WDR48: variants seen among roughly 807,000 people sequenced by gnomAD.
The protein encoded by WDR48 is WD repeat domain 48, also known as WD repeat-containing protein 48.
In WDR48, 22 loss-of-function variants were observed where a neutral mutation model predicts 94.0. That is an observed-to-expected ratio of 0.23 (90% CI 0.17 to 0.33). WDR48 has a LOEUF of 0.33. WDR48 is among the 10% of genes least tolerant of loss of function. The probability of loss-of-function intolerance (pLI) is 1.00; values close to 1 mark genes in which losing one functional copy is unlikely to be tolerated. For missense variants in WDR48, 541 were observed against 813.8 expected (o/e 0.66, Z 4.08); for synonymous variants, 278 against 280.5 (o/e 0.99, Z 0.09).
chr3:39,092,341 G>A (rs1200530479), intron 17 of WDR48, among the ~76,000 whole-genome samples: 4 of 152,170 alleles, frequency 2.6e-5, no homozygotes, highest in African/African-American at 4.8e-5. Context: ...CTTGAAGGAC[G>A]TGGAATTTGA....
chr3:39,060,428 A>G (rs1466477398), intron 1 of WDR48, among the ~76,000 whole-genome samples: 1 of 148,752 alleles, frequency 6.7e-6, no homozygotes, highest in South Asian at 2.1e-4. Flanking sequence ...GCATATATAT[A>G]TATATATATG....
At chr3:39,066,080 C>A (rs1441477262) in intron 3 of WDR48, among the ~76,000 whole-genome samples, 191 bp downstream of exon 3, 1 of 152,166 alleles carries the variant, frequency 6.6e-6, no homozygotes, top group African/African-American at 2.4e-5. Flanking sequence ...CCTTTGCCAC[C>A]CTTTCAGTTA....
chr3:39,055,120 C>T (rs2032783056), intron 1 of WDR48, among the ~76,000 whole-genome samples: 1 of 152,174 alleles, frequency 6.6e-6, no homozygotes, highest in Admixed American at 6.5e-5. Flanking sequence ...TCTCAGACCA[C>T]GAGACAGTAG....
chr3:39,084,954 G>T (rs571950143), intron 13 of WDR48, among the ~76,000 whole-genome samples: 2 of 152,122 alleles, frequency 1.3e-5, no homozygotes, highest in Non-Finnish European at 2.9e-5. Flanking sequence ...TCGGCCAGGC[G>T]CAGTGGCTCA....
At chr3:39,075,242 A>G (rs923754885) in intron 8 of WDR48, among the ~76,000 whole-genome samples, 6 of 147,604 alleles carry the variant, frequency 4.1e-5, no homozygotes, top group African/African-American at 1.5e-4. Context: ...TATAGAAGAA[A>G]GTGTGACTTC....
In WDR48 at chr3:39,066,739, A is replaced by T; in HGVS notation, c.352-7A>T. 1.2e-6 allele frequency: 2 copies of T among 1,613,988 alleles called. No individual in the cohort carries two copies. The highest frequency in any genetic ancestry group is 4.5e-5 in the East Asian group (2 of 44,844). ...GAATAGATCATAGTATGTCTGTTCT[A>T]TTACAGGATTACGTAAAGGCCTTAG... On this transcript the variant is annotated splice_region_variant and splice_polypyrimidine_tract_variant and intron_variant, in intron 4 of 18. Transcript: ENST00000302313.
intron 1 of WDR48, 94 bp from the exon 2 acceptor site, chr3:39,062,956 G>T: frequency 6.8e-7 from 1 of 1,463,564 alleles, no homozygotes; most frequent in African/African-American, 1.4e-5. Flanking sequence ...TGGAAAACAT[G>T]GGATTTTCTG....
chr3:39,089,723 A>G (rs1317668939), intron 16 of WDR48: 3 of 152,808 alleles, frequency 2.0e-5, no homozygotes, highest in South Asian at 2.1e-4. Flanking sequence ...AGTTCATTTT[A>G]TATTGCACAA....
In WDR48 at chr3:39,052,061, G is replaced by T; in HGVS notation, c.36G>T (p.Arg12=). The stretch of plus-strand genomic sequence containing the variant: ...ATCACCGGCAGAACACAGCAGGGCG[G>T]AGGAAAGTGCAGGTATGGAAGCCCG... ...AAHHRQNTAG[R]RKVQVSYVIR... is the part of the protein sequence containing the mutation. The change falls in exon 1 of 19, where the codon CGG becomes CGT. Residue 12 remains arginine (R), a synonymous_variant. Coordinates refer to ENST00000302313, the MANE Select transcript of WDR48 (RefSeq NM_020839.4). 6.2e-7 allele frequency: 1 copy of T among 1,613,890 alleles called. No individual in the cohort carries two copies. The highest frequency in any genetic ancestry group is 1.1e-5 in the South Asian group (1 of 91,068).
At chr3:39,061,906 GTC>G (rs1299754075) in intron 1 of WDR48, among the ~76,000 whole-genome samples, 1 of 152,042 alleles carries the variant, frequency 6.6e-6, no homozygotes, top group Non-Finnish European at 1.5e-5. Flanking sequence ...TTTGAGAAGT[GTC>G]TGTTCATATC....
chr3:39,088,330 T>G, intron 15 of WDR48, 97 bp downstream of exon 15: 1 of 1,192,890 alleles, frequency 8.4e-7, no homozygotes, highest in South Asian at 1.4e-5. Context: ...AGAAATAGTT[T>G]ATTATTAAAT....
chr3:39,053,309 C>T (rs1052185420), intron 1 of WDR48, among the ~76,000 whole-genome samples: 1 of 152,136 alleles, frequency 6.6e-6, no homozygotes, highest in Non-Finnish European at 1.5e-5. Context: ...TGAAGGGGTC[C>T]TTCAGTAAGG....
intron 14 of WDR48, chr3:39,087,850 A>G (rs1230081789): frequency 8.9e-6 from 3 of 337,630 alleles, no homozygotes; most frequent in Non-Finnish European, 1.7e-5. Flanking sequence ...TTGTGGCTGA[A>G]GTAGCTGGTT....
chr3:39,089,713 A>C (rs1260786161), intron 16 of WDR48: 1 of 153,276 alleles, frequency 6.5e-6, no homozygotes, highest in Non-Finnish European at 1.5e-5. Context: ...ATGTGTCTAC[A>C]GTTCATTTTA....
intron 10 of WDR48, 76 bp downstream of exon 10, chr3:39,078,315 A>T (rs924408842): frequency 2.0e-6 from 2 of 992,170 alleles, no homozygotes; most frequent in Non-Finnish European, 3.1e-6. Context: ...AATCAAGACA[A>T]TGACCTTTCT....
At chr3:39,066,132 C>T (rs2033591299) in intron 3 of WDR48, among the ~76,000 whole-genome samples, 1 of 152,184 alleles carries the variant, frequency 6.6e-6, no homozygotes, top group African/African-American at 2.4e-5. Context: ...GTCTTCTGAA[C>T]ACCAAAGGGT....
intron 7 of WDR48, 26 bp downstream of exon 7, chr3:39,069,770 C>T: frequency 6.3e-7 from 1 of 1,584,614 alleles, no homozygotes; most frequent in South Asian, 1.1e-5. Context: ...TGGGTGTTTA[C>T]CTAATAACCT....
At chr3:39,084,503 G>A in intron 12 of WDR48, 142 bp from the exon 13 acceptor site, 2 of 648,860 alleles carry the variant, frequency 3.1e-6, no homozygotes, top group Non-Finnish European at 4.8e-6. Context: ...TTGTGTTGTT[G>A]CATTGAATCA....
chr3:39,077,851 G>T (rs962055296), intron 9 of WDR48, among the ~76,000 whole-genome samples: 1 of 152,170 alleles, frequency 6.6e-6, no homozygotes. Context: ...TGTATATCTT[G>T]TGTTAATTTC....
Sources: gnomAD v4.1 joint callset for allele counts (sites outside exome capture counted in the v4.1 genomes callset) on GRCh38, gnomAD v4.1.1 for gene constraint, MANE v1.5 for transcripts, NCBI Gene and HGNC (gene_info 2026-07-23, HGNC 2026-07-21) for gene names.